ZPBP: variants seen among roughly 807,000 people sequenced by gnomAD.
ZPBP encodes the protein zona pellucida binding protein, also known as zona pellucida-binding protein 1.
ZPBP carries 26 observed loss-of-function variants against 44.8 expected under a neutral mutation model. The observed-to-expected ratio is 0.58, with a 90% confidence interval of 0.43 to 0.81. ZPBP has a LOEUF of 0.81. Among genes scored for constraint, ZPBP ranks in the 30% least tolerant of loss-of-function variants. ZPBP has a pLI of 0.00. For missense variants in ZPBP, 409 were observed against 434.0 expected (o/e 0.94, Z 0.51); for synonymous variants, 174 against 153.2 (o/e 1.14, Z -1.00).
In ZPBP at chr7:50,093,235, T is replaced by C. The variant is rs1190142321; in HGVS notation, c.-41A>G. 1.0e-5 allele frequency: 15 copies of C among 1,486,382 alleles called. No homozygotes were observed. The East Asian group carries it at 3.2e-4, about 32-fold the overall frequency. The allele number at this position is 1,486,382 out of a possible 1,614,324, so 92.1% of individuals were successfully genotyped here. On this transcript the variant is annotated 5_prime_UTR_variant, in exon 1 of 8. Coordinates refer to ENST00000046087, the MANE Select transcript of ZPBP (RefSeq NM_007009.3). The stretch of plus-strand genomic sequence containing the variant: ...GCCTGCCCACCGTCCGCGCGGAAGG[T>C]CGTTAGGCAACGCGCGCCCACCTGC...
intron 6 of ZPBP, among the ~76,000 whole-genome samples, chr7:50,001,947 C>T (rs755707931): frequency 7.2e-5 from 11 of 152,200 alleles, no homozygotes; most frequent in South Asian, 6.2e-4. Context: ...CTCTGTCACT[C>T]AGGCTGCAAT....
intron 4 of ZPBP, among the ~76,000 whole-genome samples, chr7:50,051,349 T>C (rs184557990): frequency 4.5e-4 from 69 of 152,268 alleles, no homozygotes; most frequent in Non-Finnish European, 7.9e-4. Context: ...TGTAAATTAG[T>C]TCAACCATTG....
At chr7:49,899,825 A>G (rs1562761397) in intron 2 of ZPBP, among the ~76,000 whole-genome samples, 1 of 152,002 alleles carries the variant, frequency 6.6e-6, no homozygotes, top group Non-Finnish European at 1.5e-5. Flanking sequence ...TCAAGTGGAT[A>G]TAATTGACAT....
intron 2 of ZPBP, among the ~76,000 whole-genome samples, chr7:49,867,691 A>T (rs932082010): frequency 6.6e-6 from 1 of 152,202 alleles, no homozygotes; most frequent in Admixed American, 6.5e-5. Flanking sequence ...TTCTGGACCC[A>T]AGGCTCACCT....
chr7:50,007,429 GA>G (rs1798358830), intron 6 of ZPBP, among the ~76,000 whole-genome samples: 2 of 152,008 alleles, frequency 1.3e-5, no homozygotes, highest in African/African-American at 4.8e-5. Context: ...CCCAGAACCA[GA>G]TGGCTTTATC....
downstream of ZPBP, among the ~76,000 whole-genome samples, chr7:49,848,265 G>A (rs1284010626): frequency 1.3e-5 from 2 of 152,204 alleles, no homozygotes; most frequent in Admixed American, 6.5e-5. Flanking sequence ...TGTCCAGAGA[G>A]TGTCACCCTC....
chr7:49,880,530 TTTTTCATCAATTTTTATAAATTGTGA>T (rs1333011073), intron 2 of ZPBP, among the ~76,000 whole-genome samples: 1 of 151,732 alleles, frequency 6.6e-6, no homozygotes, highest in Non-Finnish European at 1.5e-5. Flanking sequence ...GATTTTTATA[TTTTTCATCAATTTTTATAAATTGTGA>T]TTTTTTATCA....
At chr7:49,985,652 A>C (rs1489840373) in intron 6 of ZPBP, among the ~76,000 whole-genome samples, 1 of 145,628 alleles carries the variant, frequency 6.9e-6, no homozygotes, top group Non-Finnish European at 1.6e-5. Flanking sequence ...AAAAAAAAAA[A>C]AAAAAAAACC....
Position 50,011,936 on chromosome 7 carries a change from C to T in ZPBP, c.783+6304G>A, listed in dbSNP as rs1458160285. ...ATGGTGGTGAATCAGAAGGCTGATGCAGGACAATTGCTTGAACCTGGGAGG... is the reference window on the plus strand; with the variant it reads ...ATGGTGGTGAATCAGAAGGCTGATGTAGGACAATTGCTTGAACCTGGGAGG... On this transcript the variant is annotated intron_variant, in intron 6 of 7. Coordinates refer to ENST00000046087, the MANE Select transcript of ZPBP (RefSeq NM_007009.3). 2.0e-5 allele frequency among the ~76,000 whole-genome samples: 3 copies of T among 151,094 alleles called. No homozygotes were observed. In the East Asian group the frequency reaches 5.8e-4, roughly 29 times the overall value.
intron 3 of ZPBP, among the ~76,000 whole-genome samples, chr7:50,070,067 G>A (rs1287329664): frequency 6.6e-6 from 1 of 151,964 alleles, no homozygotes; most frequent in African/African-American, 2.4e-5. Flanking sequence ...GCCTAGTTAG[G>A]CTCCCACATT....
At chr7:49,940,606 A>G (rs1794832875) in intron 7 of ZPBP, 1 of 227,306 alleles carries the variant, frequency 4.4e-6, no homozygotes, top group Admixed American at 6.5e-5. Context: ...TAACTTTACA[A>G]GAGCTATGGA....
downstream of ZPBP, among the ~76,000 whole-genome samples, chr7:49,847,721 C>T (rs1215893918): frequency 6.6e-6 from 1 of 152,126 alleles, no homozygotes; most frequent in African/African-American, 2.4e-5. Flanking sequence ...GTGAGGCGGG[C>T]TTAGGATTGG....
intron 5 of ZPBP, among the ~76,000 whole-genome samples, chr7:50,029,323 A>G (rs1033025452): frequency 7.2e-5 from 11 of 152,222 alleles, no homozygotes; most frequent in African/African-American, 2.7e-4. Context: ...ACCTCATACT[A>G]TATATACAAT....
chr7:50,093,039 G>A (rs761853864), intron 1 of ZPBP, 29 bp downstream of exon 1: 86 of 1,588,180 alleles, frequency 5.4e-5, no homozygotes, highest in Non-Finnish European at 6.7e-5. Context: ...TTGTCCCTGC[G>A]GAGCCGGCAG....
chr7:49,990,415 G>T (rs1311197078), intron 6 of ZPBP, among the ~76,000 whole-genome samples: 1 of 152,094 alleles, frequency 6.6e-6, no homozygotes, highest in Non-Finnish European at 1.5e-5. Flanking sequence ...AAAGAAAGAG[G>T]GATGCCTCAC....
chr7:49,898,836 A>T (rs1309091368), intron 2 of ZPBP, among the ~76,000 whole-genome samples: 1 of 152,140 alleles, frequency 6.6e-6, no homozygotes, highest in African/African-American at 2.4e-5. Context: ...TAAAAAGTAA[A>T]AAAGGAAATA....
At chr7:49,996,967 A>G (rs536495961) in intron 6 of ZPBP, among the ~76,000 whole-genome samples, 11 of 152,298 alleles carry the variant, frequency 7.2e-5, no homozygotes, top group African/African-American at 2.6e-4. Flanking sequence ...CTTCCGTTGC[A>G]TTTAGGCTTC....
intron 6 of ZPBP, among the ~76,000 whole-genome samples, chr7:49,997,642 T>A (rs1449886676): frequency 6.6e-6 from 1 of 152,124 alleles, no homozygotes; most frequent in Non-Finnish European, 1.5e-5. Flanking sequence ...CATTACCATG[T>A]CCTCAGGCAA....
At chr7:49,990,675 A>G (rs1420418372) in intron 6 of ZPBP, among the ~76,000 whole-genome samples, 3 of 152,152 alleles carry the variant, frequency 2.0e-5, no homozygotes, top group Non-Finnish European at 4.4e-5. Context: ...CAAAAAAAAA[A>G]CTGTTACTGT....
Sources: gnomAD v4.1 joint callset for allele counts (sites outside exome capture counted in the v4.1 genomes callset) on GRCh38, gnomAD v4.1.1 for gene constraint, MANE v1.5 for transcripts, NCBI Gene and HGNC (gene_info 2026-07-23, HGNC 2026-07-21) for gene names.